SORCS2: variants seen among roughly 807,000 people sequenced by gnomAD.
The protein encoded by SORCS2 is sortilin related VPS10 domain containing receptor 2.
SORCS2 carries 100 observed loss-of-function variants against 141.6 expected under a neutral mutation model. The observed-to-expected ratio is 0.71, with a 90% confidence interval of 0.60 to 0.83. SORCS2 has a LOEUF of 0.83. Among genes scored for constraint, SORCS2 ranks in the 40% least tolerant of loss-of-function variants. The pLI is 0.00. For missense variants in SORCS2, 1,646 were observed against 1,560.2 expected, an observed-to-expected ratio of 1.05 and a Z score of -0.93; for synonymous variants, 789 against 676.9, an observed-to-expected ratio of 1.17 and a Z score of -2.57.
chr4:7,489,423 C>T (rs555820452), intron 2 of SORCS2, among the ~76,000 whole-genome samples: 25 of 151,964 alleles, frequency 1.6e-4, no homozygotes, highest in African/African-American at 6.0e-4. Context: ...AGTTCTCAGT[C>T]GTTGCTGGTG....
chr4:7,470,435 A>T (rs1237708477), intron 2 of SORCS2, among the ~76,000 whole-genome samples: 2 of 151,892 alleles, frequency 1.3e-5, no homozygotes, highest in African/African-American at 4.8e-5. Flanking sequence ...CCATTATTTC[A>T]CTCATCCATT....
rs1197550120 is a variant in SORCS2 at position 7,497,684 on chromosome 4, A to G, written c.549-33846A>G. The stretch of plus-strand genomic sequence containing the variant: ...CACGTTTCACTCGCTTCATCTCCAC[A>G]TGACCCAGGGAGGTAGGTGCTGTCA... On this transcript the variant is annotated intron_variant, in intron 2 of 26. Coordinates refer to ENST00000507866, the MANE Select transcript of SORCS2 (RefSeq NM_020777.3). Among the ~76,000 whole-genome samples, 3 of 152,256 alleles carry G rather than the reference A, an allele frequency of 2.0e-5. No individual in the cohort carries two copies. The East Asian group carries it at 5.8e-4, about 29-fold the overall frequency.
At chr4:7,468,415 T>C (rs552337048) in intron 2 of SORCS2, among the ~76,000 whole-genome samples, 1 of 152,344 alleles carries the variant, frequency 6.6e-6, no homozygotes, top group Non-Finnish European at 1.5e-5. Context: ...GCCCAGGGCC[T>C]GGAACATGGC....
chr4:7,456,094 G>A (rs536663300), intron 2 of SORCS2, among the ~76,000 whole-genome samples: 1 of 152,240 alleles, frequency 6.6e-6, no homozygotes, highest in African/African-American at 2.4e-5. Flanking sequence ...TCACGTGGTC[G>A]TCCCTCTATG....
intron 1 of SORCS2, among the ~76,000 whole-genome samples, chr4:7,375,278 G>A (rs765270988): frequency 2.6e-5 from 4 of 152,220 alleles, no homozygotes; most frequent in Non-Finnish European, 4.4e-5. Context: ...CATTGAATAA[G>A]GGTGTTGGAC....
intron 2 of SORCS2, among the ~76,000 whole-genome samples, chr4:7,450,757 G>C (rs761134826): frequency 2.6e-5 from 4 of 152,140 alleles, no homozygotes; most frequent in Non-Finnish European, 5.9e-5. Flanking sequence ...GAGTGAGAGA[G>C]TGAGTGAGTA....
chr4:7,685,264 A>G (rs1302932847), intron 10 of SORCS2, among the ~76,000 whole-genome samples: 1 of 152,160 alleles, frequency 6.6e-6, no homozygotes, highest in African/African-American at 2.4e-5. Flanking sequence ...AAATAATGAA[A>G]TGGGAGCAAA....
At chr4:7,379,702 T>A (rs1722870842) in intron 1 of SORCS2, among the ~76,000 whole-genome samples, 1 of 152,166 alleles carries the variant, frequency 6.6e-6, no homozygotes, top group African/African-American at 2.4e-5. Flanking sequence ...TGTGGCTTTT[T>A]AGATTCGTTC....
In SORCS2 at chr4:7,213,714, CT is replaced by C. The variant is rs143095978; in HGVS notation, c.480+20589del. On this transcript the variant is annotated intron_variant, in intron 1 of 26. Transcript: ENST00000507866. ...GAGTGGGTTGGGCAGAGTTCTCCCCCTGGGAACAGCAGAGCTGGGTCTAGAG... is the reference window on the plus strand; with the variant it reads ...GAGTGGGTTGGGCAGAGTTCTCCCCCGGGAACAGCAGAGCTGGGTCTAGAG... Among the ~76,000 whole-genome samples the C allele has an allele frequency of 5.1e-3, 770 of 152,324 alleles. 7 individuals carry two copies. The highest frequency in any genetic ancestry group is 0.018 in the African/African-American group (735 of 41,556).
intron 1 of SORCS2, among the ~76,000 whole-genome samples, chr4:7,208,878 G>A (rs906089824): frequency 9.2e-5 from 14 of 152,232 alleles, no homozygotes; most frequent in African/African-American, 3.4e-4. Flanking sequence ...AGCCTGGTCT[G>A]TGTGACGCCA....
At chr4:7,738,664 C>T (rs548296175) in intron 26 of SORCS2, among the ~76,000 whole-genome samples, 11 of 152,282 alleles carry the variant, frequency 7.2e-5, no homozygotes, top group South Asian at 2.1e-4. Flanking sequence ...CGGCTTCGAG[C>T]GTCACTCACA....
chr4:7,660,173 G>C (rs914205193), intron 5 of SORCS2, among the ~76,000 whole-genome samples: 1 of 152,234 alleles, frequency 6.6e-6, no homozygotes, highest in Non-Finnish European at 1.5e-5. Context: ...CCTGGCTTTT[G>C]CCTCTCAAGA....
rs535291836 is a variant in SORCS2 at position 7,301,036 on chromosome 4, C to T, written c.481-95252C>T. ...GCTCAGTCTAAGGTCAAGCCTCAGT[C>T]TTCCAGAGCTGGTTTAGCAGCATCT... is the stretch of plus-strand genomic sequence containing the variant. On this transcript the variant is annotated intron_variant, in intron 1 of 26. Transcript: ENST00000507866. Among the ~76,000 whole-genome samples, 9 of 152,282 alleles carry T rather than the reference C, an allele frequency of 5.9e-5. No homozygotes were observed. In the East Asian group the frequency reaches 1.6e-3, roughly 26 times the overall value.
At chr4:7,393,916 GGGTCCTTCTCCTTGATGACTGCCGAGTCA>G (rs1432891949) in intron 1 of SORCS2, among the ~76,000 whole-genome samples, 11 of 152,132 alleles carry the variant, frequency 7.2e-5, no homozygotes, top group East Asian at 1.9e-4. Context: ...CCTCACTTCA[GGGTCCTTCTCCTTGATGACTGCCGAGTCA>G]GGTCCTTCTC....
intron 3 of SORCS2, among the ~76,000 whole-genome samples, chr4:7,580,700 C>A (rs1716085138): frequency 6.6e-6 from 1 of 152,160 alleles, no homozygotes; most frequent in Non-Finnish European, 1.5e-5. Context: ...AACAATGGAG[C>A]TGTCCTTGGG....
At chr4:7,604,467 G>A (rs993613451) in intron 3 of SORCS2, among the ~76,000 whole-genome samples, 4 of 152,298 alleles carry the variant, frequency 2.6e-5, no homozygotes, top group East Asian at 1.9e-4. Context: ...ACAGGTGCCC[G>A]CCACCACGCA....
intron 2 of SORCS2, among the ~76,000 whole-genome samples, chr4:7,443,153 T>G (rs1727783440): frequency 6.6e-6 from 1 of 152,244 alleles, no homozygotes; most frequent in Admixed American, 6.5e-5. Context: ...CTCCAAATTA[T>G]GTCAGATCAC....
At chr4:7,343,334 C>T (rs1720469516) in intron 1 of SORCS2, among the ~76,000 whole-genome samples, 1 of 152,208 alleles carries the variant, frequency 6.6e-6, no homozygotes, top group South Asian at 2.1e-4. Context: ...GGTTCAGCTT[C>T]CTGCCTGACC....
chr4:7,726,532 C>G (rs953337875), intron 20 of SORCS2, among the ~76,000 whole-genome samples: 2 of 152,088 alleles, frequency 1.3e-5, no homozygotes, highest in African/African-American at 4.8e-5. Flanking sequence ...CAAGATTGCG[C>G]CACTGCACTC....
Sources: gnomAD v4.1 joint callset for allele counts (sites outside exome capture counted in the v4.1 genomes callset) on GRCh38, gnomAD v4.1.1 for gene constraint, MANE v1.5 for transcripts, NCBI Gene and HGNC (gene_info 2026-07-23, HGNC 2026-07-21) for gene names.